The following LYRM4 variants were observed in gnomAD, a reference collection of about 807,000 sequenced individuals.
LYRM4 encodes the protein LYR motif-containing protein 4.
In LYRM4, 9 loss-of-function variants were observed where a neutral mutation model predicts 11.7. The ratio of observed to expected loss-of-function variants is 0.77; its 90% CI spans 0.46 to 1.34. LYRM4 has a LOEUF of 1.34. Among genes scored for constraint, LYRM4 ranks in the 40% most tolerant of loss-of-function variants. The pLI, the probability that LYRM4 is intolerant of heterozygous loss-of-function variation, is 0.00. For synonymous variants in LYRM4, 42 were observed against 40.4 expected, an observed-to-expected ratio of 1.04 and a Z score of -0.15; for missense variants, 133 against 112.5, an observed-to-expected ratio of 1.18 and a Z score of -0.82.
the LYRM4 span, among the ~76,000 whole-genome samples, chr6:5,056,905 A>C: frequency 6.6e-6 from 1 of 152,210 alleles, no homozygotes; most frequent in African/African-American, 2.4e-5. Context: ...CTCAAAACTC[A>C]ATCATCCTAG....
intron 1 of LYRM4, among the ~76,000 whole-genome samples, chr6:5,253,557 T>TG (rs1339838406): frequency 6.6e-6 from 1 of 152,166 alleles, no homozygotes; most frequent in Admixed American, 6.5e-5. Context: ...AGCGACAACT[T>TG]GCGACAACTC....
the LYRM4 span, among the ~76,000 whole-genome samples, chr6:5,067,619 A>G: frequency 2.6e-5 from 4 of 152,320 alleles, no homozygotes; most frequent in South Asian, 8.3e-4. Context: ...TACATGGGCT[A>G]TGGGAAGGGT....
At chr6:5,106,341 G>A (rs1005386704), downstream of LYRM4, 1 of 152,254 alleles carries the variant, frequency 6.6e-6, no homozygotes, top group African/African-American at 2.4e-5. Flanking sequence ...CTCTGTACGT[G>A]ATCTGCAGAT....
intron 2 of LYRM4, among the ~76,000 whole-genome samples, chr6:5,197,209 G>A (rs1194104164): frequency 6.6e-6 from 1 of 152,146 alleles, no homozygotes; most frequent in African/African-American, 2.4e-5. Flanking sequence ...GTGCTTACTG[G>A]TGATTCATGA....
intron 2 of LYRM4, among the ~76,000 whole-genome samples, chr6:5,109,843 T>C (rs1349756052): frequency 6.6e-6 from 1 of 152,198 alleles, no homozygotes; most frequent in Non-Finnish European, 1.5e-5. Flanking sequence ...CTTCCTTCCC[T>C]TAGAACTGAT....
At chr6:5,246,660 G>T (rs1330806297) in intron 1 of LYRM4, among the ~76,000 whole-genome samples, 1 of 152,132 alleles carries the variant, frequency 6.6e-6, no homozygotes, top group Non-Finnish European at 1.5e-5. Flanking sequence ...GAGGGAGTGG[G>T]CCTGGGAGGT....
intron 2 of LYRM4, among the ~76,000 whole-genome samples, chr6:5,174,311 A>G (rs1322536433): frequency 6.6e-6 from 1 of 152,132 alleles, no homozygotes; most frequent in African/African-American, 2.4e-5. Flanking sequence ...AACACAACTA[A>G]TTTTACCCCT....
At chr6:5,201,904 C>T (rs561726646) in intron 2 of LYRM4, among the ~76,000 whole-genome samples, 10 of 152,304 alleles carry the variant, frequency 6.6e-5, no homozygotes, top group Non-Finnish European at 7.4e-5. Context: ...TTACTGGCTG[C>T]GGAGTCTTAA....
At chr6:5,040,352 G>GATAGATAGATAGATAGATACATAC in the LYRM4 span, among the ~76,000 whole-genome samples, 40 of 130,186 alleles carry the variant, frequency 3.1e-4, no homozygotes, top group Admixed American at 2.3e-4. Flanking sequence ...TAGATAGATA[G>GATAGATAGATAGATAGATACATAC]ATACATACAT....
At chr6:5,092,753 T>C in the LYRM4 span, among the ~76,000 whole-genome samples, 2 of 148,340 alleles carry the variant, frequency 1.3e-5, no homozygotes, top group Admixed American at 6.6e-5. Flanking sequence ...TCAGAACCAC[T>C]GTAAGTAGGT....
the LYRM4 span, among the ~76,000 whole-genome samples, chr6:5,067,236 T>C: frequency 2.0e-5 from 3 of 152,240 alleles, no homozygotes; most frequent in Non-Finnish European, 2.9e-5. Context: ...ACATTAGTTA[T>C]CTATTGCTGT....
At chr6:5,078,445 C>T in the LYRM4 span, among the ~76,000 whole-genome samples, 1 of 152,044 alleles carries the variant, frequency 6.6e-6, no homozygotes, top group African/African-American at 2.4e-5. Flanking sequence ...CATCCTCATC[C>T]CATAGGGCTG....
chr6:5,236,886 G>A (rs534975648), intron 1 of LYRM4, among the ~76,000 whole-genome samples: 1 of 152,244 alleles, frequency 6.6e-6, no homozygotes, highest in East Asian at 1.9e-4. Context: ...GAGCCCAGGA[G>A]GTCGAGGTTG....
intron 2 of LYRM4, among the ~76,000 whole-genome samples, chr6:5,142,518 T>C (rs549918045): frequency 1.9e-4 from 29 of 152,318 alleles, no homozygotes; most frequent in African/African-American, 6.7e-4. Context: ...TAAATGAAGA[T>C]TGTTCTTTGA....
At chr6:5,125,743 T>C (rs1342133919) in intron 2 of LYRM4, among the ~76,000 whole-genome samples, 2 of 152,216 alleles carry the variant, frequency 1.3e-5, no homozygotes, top group Admixed American at 1.3e-4. Context: ...CAGCTCTTTT[T>C]AGGCAAAGCA....
the LYRM4 span, among the ~76,000 whole-genome samples, chr6:5,080,754 G>A: frequency 6.6e-6 from 1 of 152,134 alleles, no homozygotes; most frequent in African/African-American, 2.4e-5. Flanking sequence ...CATTGCCTTG[G>A]TATATCTAGG....
chr6:5,047,186 C>G, the LYRM4 span, among the ~76,000 whole-genome samples: 15 of 152,204 alleles, frequency 9.9e-5, no homozygotes, highest in Non-Finnish European at 1.8e-4. Flanking sequence ...GGGGAACCGT[C>G]TTTGGAGACT....
At chr6:5,094,619 C>G in the LYRM4 span, among the ~76,000 whole-genome samples, 6 of 152,184 alleles carry the variant, frequency 3.9e-5, no homozygotes, top group Non-Finnish European at 8.8e-5. Context: ...TACTGCAGTC[C>G]AAGCCCAGCC....
At chr6:5,185,015 T>C (rs1040709852) in intron 2 of LYRM4, among the ~76,000 whole-genome samples, 2 of 152,220 alleles carry the variant, frequency 1.3e-5, no homozygotes, top group Admixed American at 6.5e-5. Flanking sequence ...CCCTTCCTTA[T>C]GCCCTGCTTG....
Sources: allele counts gnomAD v4.1 joint callset (sites outside exome capture counted in the v4.1 genomes callset), GRCh38; gene constraint gnomAD v4.1.1; transcripts MANE v1.5; gene names NCBI Gene and HGNC (gene_info 2026-07-23, HGNC 2026-07-21).